The following NEDD4L variants were observed in gnomAD, a reference collection of about 807,000 sequenced individuals.
NEDD4L encodes E3 ubiquitin-protein ligase NEDD4-like.
A neutral mutation model predicts 148.9 loss-of-function variants in NEDD4L; 54 were observed. That is an observed-to-expected ratio of 0.36 (90% CI 0.29 to 0.45). The LOEUF is 0.45. Among genes scored for constraint, NEDD4L ranks in the 20% least tolerant of loss-of-function variants. NEDD4L has a pLI of 1.00. For synonymous variants in NEDD4L, 433 were observed against 440.7 expected, an observed-to-expected ratio of 0.98 and a Z score of 0.22; for missense variants, 856 against 1,233.8, an observed-to-expected ratio of 0.69 and a Z score of 4.59.
chr18:58,128,337 T>A (rs1473359057), intron 1 of NEDD4L, among the ~76,000 whole-genome samples: 1 of 152,172 alleles, frequency 6.6e-6, no homozygotes, highest in African/African-American at 2.4e-5. Flanking sequence ...TTAGCATCCC[T>A]TCTTGTGCCT....
chr18:58,294,361 G>A (rs2055227414), intron 5 of NEDD4L, among the ~76,000 whole-genome samples: 1 of 152,106 alleles, frequency 6.6e-6, no homozygotes, highest in Non-Finnish European at 1.5e-5. Flanking sequence ...TTGTAGCTAG[G>A]GTGGTGGGGT....
chr18:58,395,054 C>T (rs2050311835), intron 30 of NEDD4L, among the ~76,000 whole-genome samples: 1 of 152,196 alleles, frequency 6.6e-6, no homozygotes, highest in Non-Finnish European at 1.5e-5. Context: ...AGCTCCTCCT[C>T]TGTGAAATAG....
Position 58,044,598 on chromosome 18 carries a change from G to T in NEDD4L, c.-63G>T. 6.6e-7 allele frequency: 1 copy of T among 1,518,920 alleles called. No individual in the cohort carries two copies. Among genetic ancestry groups the T allele is most frequent in the African/African-American group, 1.4e-5 (1 of 70,214 alleles). 94.1% of individuals were successfully genotyped at this position (1,518,920 alleles called of 1,614,324 possible). A position where few individuals can be genotyped will look rare whatever the true frequency, so the allele number is the denominator to read the frequency against. On this transcript the variant is annotated 5_prime_UTR_variant, in exon 1 of 31. Coordinates refer to ENST00000400345, the MANE Select transcript of NEDD4L (RefSeq NM_001144967.3). ...GGACCTGGAGGCAGAGGGGAGAACC[G>T]GCCGTCCGCGCCGCAGCACAGCCGC... is the stretch of plus-strand genomic sequence containing the variant.
At chr18:58,051,043 G>A (rs2081844383) in intron 1 of NEDD4L, among the ~76,000 whole-genome samples, 1 of 152,110 alleles carries the variant, frequency 6.6e-6, no homozygotes, top group African/African-American at 2.4e-5. Context: ...GATTGCTTGA[G>A]CCCAGGAGTT....
intron 1 of NEDD4L, among the ~76,000 whole-genome samples, chr18:58,133,285 T>C (rs1486069036): frequency 6.6e-6 from 1 of 152,242 alleles, no homozygotes; most frequent in Non-Finnish European, 1.5e-5. Context: ...TATAAGTTTC[T>C]ATGCCAACTG....
intron 1 of NEDD4L, among the ~76,000 whole-genome samples, chr18:58,160,529 A>G (rs778407153): frequency 3.9e-5 from 6 of 152,352 alleles, no homozygotes; most frequent in East Asian, 1.9e-4. Flanking sequence ...CAGCCAATCT[A>G]TGAATAATAT....
At chr18:58,298,327 G>A (rs1455088751) in intron 5 of NEDD4L, among the ~76,000 whole-genome samples, 2 of 152,116 alleles carry the variant, frequency 1.3e-5, no homozygotes, top group South Asian at 4.2e-4. Flanking sequence ...AGTATTCTGG[G>A]AATACCTGAT....
chr18:58,278,112 T>C (rs930773113), intron 5 of NEDD4L, among the ~76,000 whole-genome samples: 1 of 152,074 alleles, frequency 6.6e-6, no homozygotes, highest in Non-Finnish European at 1.5e-5. Context: ...AAAAAAAAAA[T>C]TGAAGCAAGT....
chr18:58,115,562 C>T (rs887406371), intron 1 of NEDD4L, among the ~76,000 whole-genome samples: 1 of 152,126 alleles, frequency 6.6e-6, no homozygotes, highest in Non-Finnish European at 1.5e-5. Context: ...ATTTCCAGAA[C>T]TCTGGTGGGG....
intron 2 of NEDD4L, among the ~76,000 whole-genome samples, chr18:58,211,750 G>A (rs996958704): frequency 3.3e-5 from 5 of 152,220 alleles, no homozygotes; most frequent in African/African-American, 1.2e-4. Flanking sequence ...AGAATAAGAA[G>A]TCTTCGTGAT....
At position 58,256,747 on chromosome 18, in the gene NEDD4L, C is replaced by G; in HGVS notation, c.297+4693C>G. 8.1e-7 allele frequency: 1 copy of G among 1,232,044 alleles called. No individual in the cohort carries two copies. The highest frequency in any genetic ancestry group is 1.0e-6 in the Non-Finnish European group (1 of 988,002). 76.3% of individuals were successfully genotyped at this position (1,232,044 alleles called of 1,614,324 possible). A position where few individuals can be genotyped will look rare whatever the true frequency, so the allele number is the denominator to read the frequency against. On this transcript the variant is annotated intron_variant, in intron 5 of 30. Transcript: ENST00000400345. The surrounding 1 kb of genome is among the most constrained non-coding windows in gnomAD (Gnocchi z 5.2). ...ATCCCGAGGAGAAAAGCGCCAAAAG[C>G]CCTGTTTCCACGGGAGCTGACACCA... is the stretch of plus-strand genomic sequence containing the variant.
chr18:58,385,734 T>C (rs2048926524), intron 26 of NEDD4L, 148 bp downstream of exon 26: 2 of 662,214 alleles, frequency 3.0e-6, no homozygotes, highest in Admixed American at 2.4e-5. Context: ...ATCGCACAGC[T>C]CACACCGCTG....
intron 1 of NEDD4L, among the ~76,000 whole-genome samples, chr18:58,075,626 TTAAGAG>T (rs1208058811): frequency 6.6e-6 from 1 of 152,086 alleles, no homozygotes; most frequent in East Asian, 1.9e-4. Flanking sequence ...GGAAGTACTT[TTAAGAG>T]TATTTTTTTC....
At chr18:58,121,236 G>A (rs1401019426) in intron 1 of NEDD4L, among the ~76,000 whole-genome samples, 1 of 152,112 alleles carries the variant, frequency 6.6e-6, no homozygotes, top group Admixed American at 6.5e-5. Context: ...TTAGGATCTT[G>A]GATGAGAGTG....
At chr18:58,142,643 T>G (rs1158668261) in intron 1 of NEDD4L, among the ~76,000 whole-genome samples, 1 of 152,238 alleles carries the variant, frequency 6.6e-6, no homozygotes, top group Admixed American at 6.5e-5. Context: ...GTGTTTAATA[T>G]ATTTCTCATT....
intron 3 of NEDD4L, among the ~76,000 whole-genome samples, chr18:58,245,846 AT>A (rs58940181): frequency 0.09 from 8,229 of 91,472 alleles, 268 homozygotes; most frequent in East Asian, 0.21. Flanking sequence ...ATGCCTGGCT[AT>A]TTTTTTTTTT....
chr18:58,346,281 G>A (rs1432519685), intron 16 of NEDD4L, among the ~76,000 whole-genome samples: 2 of 152,182 alleles, frequency 1.3e-5, no homozygotes, highest in African/African-American at 4.8e-5. Context: ...TGTAAGCACT[G>A]ACATGACACT....
At chr18:58,355,692 A>G (rs541304074) in intron 18 of NEDD4L, among the ~76,000 whole-genome samples, 1 of 152,324 alleles carries the variant, frequency 6.6e-6, no homozygotes, top group South Asian at 2.1e-4. Flanking sequence ...AAGGGACCCA[A>G]AAATGCCTTT....
chr18:58,176,320 C>A (rs1194041229), intron 2 of NEDD4L, among the ~76,000 whole-genome samples: 1 of 151,992 alleles, frequency 6.6e-6, no homozygotes, highest in African/African-American at 2.4e-5. Flanking sequence ...TCATTTCCCC[C>A]CTCATCTCTT....
Sources: allele counts gnomAD v4.1 joint callset (sites outside exome capture counted in the v4.1 genomes callset), GRCh38; gene constraint gnomAD v4.1.1; non-coding constraint Gnocchi (gnomAD v3.1); transcripts MANE v1.5; gene names NCBI Gene and HGNC (gene_info 2026-07-23, HGNC 2026-07-21).